GOLM2: variants seen among roughly 807,000 people sequenced by gnomAD.
The protein encoded by GOLM2 is protein GOLM2.
Under a neutral mutation model 55.9 loss-of-function variants are expected in GOLM2, and 26 were observed. That is an observed-to-expected ratio of 0.47 (90% confidence interval 0.34 to 0.65). The LOEUF is 0.65. Ranked by LOEUF, GOLM2 falls within the 30% of genes least tolerant of loss-of-function variation. GOLM2 has a pLI of 0.01. For missense variants in GOLM2, 486 were observed against 531.8 expected, an observed-to-expected ratio of 0.91 and a Z score of 0.85; for synonymous variants, 165 against 194.6, an observed-to-expected ratio of 0.85 and a Z score of 1.27.
chr15:44,293,617 CTGGAGTTG>C (rs1164375819), intron 1 of GOLM2, among the ~76,000 whole-genome samples: 2 of 152,158 alleles, frequency 1.3e-5, no homozygotes, highest in African/African-American at 4.8e-5. Flanking sequence ...CAGGATTAGA[CTGGAGTTG>C]TGGGTTTTCG....
chr15:44,404,420 G>GATTC (rs1412009656), intron 9 of GOLM2, among the ~76,000 whole-genome samples: 1 of 152,070 alleles, frequency 6.6e-6, no homozygotes, highest in Non-Finnish European at 1.5e-5. Context: ...ATAGAAAAGA[G>GATTC]ATTCATATGT....
intron 6 of GOLM2, 74 bp downstream of exon 6, chr15:44,338,391 G>C (rs2079071304): frequency 1.8e-6 from 2 of 1,121,916 alleles, no homozygotes; most frequent in African/African-American, 3.1e-5. Flanking sequence ...CTCTTTTTCG[G>C]TAACACTTGG....
At chr15:44,348,606 C>T (rs2079140836) in intron 6 of GOLM2, 1 of 152,262 alleles carries the variant, frequency 6.6e-6, no homozygotes, top group South Asian at 2.1e-4. Flanking sequence ...AAAGGAAGGA[C>T]ACAAGCCCAG....
At chr15:44,413,083 T>A (rs1193475328) in intron 9 of GOLM2, among the ~76,000 whole-genome samples, 4 of 151,996 alleles carry the variant, frequency 2.6e-5, no homozygotes, top group African/African-American at 9.7e-5. Flanking sequence ...ACTAGTTATG[T>A]CTATCTGGCT....
At chr15:44,399,421 G>C (rs942960518) in intron 8 of GOLM2, among the ~76,000 whole-genome samples, 1 of 152,136 alleles carries the variant, frequency 6.6e-6, no homozygotes, top group Non-Finnish European at 1.5e-5. Flanking sequence ...ACAGATCACT[G>C]TTTAACAAAG....
At chr15:44,371,344 A>T (rs999766125) in intron 6 of GOLM2, among the ~76,000 whole-genome samples, 2 of 152,190 alleles carry the variant, frequency 1.3e-5, no homozygotes, top group Non-Finnish European at 2.9e-5. Flanking sequence ...ACTGGTTAGT[A>T]TGTCATTGCT....
At chr15:44,365,653 A>C (rs1338349498) in intron 6 of GOLM2, among the ~76,000 whole-genome samples, 1 of 152,224 alleles carries the variant, frequency 6.6e-6, no homozygotes, top group South Asian at 2.1e-4. Context: ...ACTAAAATGC[A>C]ATTAAAAAAT....
At chr15:44,302,714 C>T (rs1302573103) in intron 1 of GOLM2, among the ~76,000 whole-genome samples, 1 of 152,032 alleles carries the variant, frequency 6.6e-6, no homozygotes, top group Non-Finnish European at 1.5e-5. Context: ...TGGTCTTGAA[C>T]TCCAGGACTT....
intron 6 of GOLM2, among the ~76,000 whole-genome samples, chr15:44,342,838 T>G (rs1025455402): frequency 4.6e-5 from 7 of 152,216 alleles, no homozygotes; most frequent in Non-Finnish European, 8.8e-5. Context: ...TCAGGCTATC[T>G]TTAATGGTGA....
intron 1 of GOLM2, among the ~76,000 whole-genome samples, chr15:44,321,433 A>T (rs2078948038): frequency 8.0e-6 from 1 of 124,824 alleles, no homozygotes. Context: ...TTGCCACTGC[A>T]CTCCAGCCTG....
chr15:44,342,369 G>A (rs897935078), intron 6 of GOLM2, among the ~76,000 whole-genome samples: 1 of 151,874 alleles, frequency 6.6e-6, no homozygotes, highest in African/African-American at 2.4e-5. Context: ...GGCTCAAGTG[G>A]TACTCCCACA....
chr15:44,370,144 G>C (rs537937785), intron 6 of GOLM2, among the ~76,000 whole-genome samples: 76 of 152,258 alleles, frequency 5.0e-4, no homozygotes, highest in Middle Eastern at 3.4e-3. Flanking sequence ...TTAAGGGTGG[G>C]TCTGCCTTCC....
chr15:44,301,527 T>C (rs1256191985), intron 1 of GOLM2, among the ~76,000 whole-genome samples: 1 of 152,098 alleles, frequency 6.6e-6, no homozygotes, highest in Non-Finnish European at 1.5e-5. Context: ...TGGTATACAT[T>C]GACTATGGAA....
At chr15:44,378,130 G>A (rs944154596) in intron 6 of GOLM2, among the ~76,000 whole-genome samples, 4 of 150,980 alleles carry the variant, frequency 2.6e-5, no homozygotes, top group Admixed American at 2.0e-4. Flanking sequence ...CTCACTGCAA[G>A]CTCTGCGTCC....
intron 1 of GOLM2, among the ~76,000 whole-genome samples, chr15:44,321,386 G>A (rs538010236): frequency 1.5e-3 from 218 of 148,970 alleles, no homozygotes; most frequent in African/African-American, 4.9e-3. Context: ...TGGAAGGATC[G>A]CTTGAGCCCT....
intron 9 of GOLM2, among the ~76,000 whole-genome samples, chr15:44,410,977 A>C (rs2079634333): frequency 6.7e-6 from 1 of 148,722 alleles, no homozygotes; most frequent in South Asian, 2.1e-4. Context: ...TAAGTTTAAC[A>C]GGAAAGTTGT....
chr15:44,376,646 A>G (rs1412284878), intron 6 of GOLM2, among the ~76,000 whole-genome samples: 1 of 152,380 alleles, frequency 6.6e-6, no homozygotes, highest in East Asian at 1.9e-4. Context: ...ATACTTGTAT[A>G]TGTATACACA....
At chr15:44,363,724 C>A (rs2079260929) in intron 6 of GOLM2, among the ~76,000 whole-genome samples, 1 of 151,638 alleles carries the variant, frequency 6.6e-6, no homozygotes, top group Admixed American at 6.6e-5. Context: ...AATCATGCTG[C>A]TATAAAGACA....
At chr15:44,317,087 C>CA (rs543487932) in intron 1 of GOLM2, among the ~76,000 whole-genome samples, 24 of 152,260 alleles carry the variant, frequency 1.6e-4, no homozygotes, top group African/African-American at 5.3e-4. Context: ...TGAAGCCACT[C>CA]ACAGCCTAAT....
Sources: gnomAD v4.1 joint callset for allele counts (sites outside exome capture counted in the v4.1 genomes callset) on GRCh38, gnomAD v4.1.1 for gene constraint, MANE v1.5 for transcripts, NCBI Gene and HGNC (gene_info 2026-07-23, HGNC 2026-07-21) for gene names.